Variants in NCALD observed in about 807,000 individuals in gnomAD.
The protein encoded by NCALD is neurocalcin delta.
In NCALD, 10 loss-of-function variants were observed where a neutral mutation model predicts 18.6. The observed-to-expected ratio is 0.54, with a 90% CI of 0.33 to 0.91. The LOEUF is 0.91. NCALD is among the 40% of genes least tolerant of loss of function. NCALD has a pLI of 0.03. For synonymous variants in NCALD, 88 were observed against 87.4 expected (o/e 1.01, Z -0.04); for missense variants, 184 against 247.6 (o/e 0.74, Z 1.72).
At chr8:101,779,647 GC>G (rs964459000) in intron 1 of NCALD, among the ~76,000 whole-genome samples, 8 of 151,992 alleles carry the variant, frequency 5.3e-5, no homozygotes, top group African/African-American at 1.9e-4. Context: ...CTTACGGATT[GC>G]CCTTTTTTAT....
chr8:102,103,292 G>T (rs766954789), intron 1 of NCALD, among the ~76,000 whole-genome samples: 15 of 152,052 alleles, frequency 9.9e-5, no homozygotes, highest in Non-Finnish European at 1.9e-4. Context: ...AACACCTAGT[G>T]AGTGTTTGCT....
At chr8:101,871,818 G>C (rs113839579) in intron 4 of NCALD, 9,538 of 413,782 alleles carry the variant, frequency 0.023, 413 homozygotes, top group African/African-American at 0.12. Context: ...GCATGTGATA[G>C]CAGCTGCAGC....
At chr8:101,782,092 TATAA>T (rs976191054) in intron 1 of NCALD, among the ~76,000 whole-genome samples, 4 of 148,058 alleles carry the variant, frequency 2.7e-5, no homozygotes, top group African/African-American at 9.8e-5. Context: ...TTTATATATA[TATAA>T]ATATACATAT....
At position 101,688,715 on chromosome 8, in the gene NCALD, C is replaced by T; in HGVS notation, c.*594G>A. The T allele has an allele frequency of 2.0e-6, 1 of 491,384 alleles. No homozygotes were observed. Among genetic ancestry groups the T allele is most frequent in the South Asian group, 1.5e-5 (1 of 64,874 alleles). 30.4% of individuals were successfully genotyped at this position (491,384 alleles called of 1,614,324 possible). On this transcript the variant is annotated 3_prime_UTR_variant, in exon 4 of 4. Coordinates refer to ENST00000220931, the MANE Select transcript of NCALD (RefSeq NM_032041.3). ...GAAAAAATAGCTGAGCCATCTTTTT[C>T]CTCTCCTCTGTTAATTTATCTTGAA...
At chr8:101,828,317 G>A (rs192050384) in intron 4 of NCALD, among the ~76,000 whole-genome samples, 3 of 152,174 alleles carry the variant, frequency 2.0e-5, no homozygotes, top group East Asian at 1.9e-4. Context: ...TGCCAGCCCC[G>A]CTCCCGATTA....
intron 4 of NCALD, among the ~76,000 whole-genome samples, chr8:101,829,902 T>C (rs1204445715): frequency 1.3e-5 from 2 of 152,112 alleles, no homozygotes; most frequent in African/African-American, 4.8e-5. Context: ...TTGTTTGTTA[T>C]TATATCTATC....
chr8:102,062,381 T>G (rs1219618480), intron 1 of NCALD, among the ~76,000 whole-genome samples: 1 of 152,146 alleles, frequency 6.6e-6, no homozygotes, highest in Non-Finnish European at 1.5e-5. Flanking sequence ...ATCAGATAAA[T>G]AGTCAAGCAA....
chr8:101,835,539 T>C (rs144740373), intron 4 of NCALD, among the ~76,000 whole-genome samples: 20 of 152,256 alleles, frequency 1.3e-4, no homozygotes, highest in East Asian at 5.8e-4. Context: ...TCAAGAAACA[T>C]TGGTCTAGGT....
At chr8:101,993,694 C>T (rs753107584) in intron 2 of NCALD, among the ~76,000 whole-genome samples, 25 of 152,232 alleles carry the variant, frequency 1.6e-4, no homozygotes, top group Non-Finnish European at 3.4e-4. Context: ...CTGCTACTGA[C>T]TCTCCATTGT....
chr8:102,061,064 T>C (rs1186855986), intron 1 of NCALD, among the ~76,000 whole-genome samples: 3 of 152,160 alleles, frequency 2.0e-5, no homozygotes, highest in African/African-American at 7.2e-5. Context: ...AAACAATCTA[T>C]TCCTTTCTCC....
chr8:102,070,250 T>C (rs1258923961), intron 1 of NCALD: 1 of 152,174 alleles, frequency 6.6e-6, no homozygotes, highest in African/African-American at 2.4e-5. Context: ...AGTCACAAAA[T>C]TACTTCTAGA....
intron 4 of NCALD, among the ~76,000 whole-genome samples, chr8:101,819,641 A>T (rs1166897548): frequency 2.6e-5 from 4 of 152,166 alleles, no homozygotes; most frequent in Non-Finnish European, 5.9e-5. Flanking sequence ...TGACAGCACC[A>T]GGCCATTTTT....
At position 101,688,338 on chromosome 8, in the gene NCALD, G is replaced by A; in HGVS notation, c.*971C>T. The A allele has an allele frequency of 4.6e-6, 1 of 216,908 alleles. No individual in the cohort carries two copies. 13.4% of individuals were successfully genotyped at this position (216,908 alleles called of 1,614,324 possible). The stretch of plus-strand genomic sequence containing the variant: ...CAAAATTAAAGTTGGGCCCTAGTCA[G>A]GGTTACTTTGTATTTTTATGGAATA... On this transcript the variant is annotated 3_prime_UTR_variant, in exon 4 of 4. Transcript: ENST00000220931.
chr8:101,995,406 A>C (rs1402108665), intron 2 of NCALD, among the ~76,000 whole-genome samples: 4 of 152,228 alleles, frequency 2.6e-5, no homozygotes, highest in African/African-American at 9.6e-5. Context: ...GGTAATTTAT[A>C]AGAAAAGAGA....
At chr8:101,764,810 C>T (rs1811277091) in intron 1 of NCALD, among the ~76,000 whole-genome samples, 2 of 152,158 alleles carry the variant, frequency 1.3e-5, no homozygotes, top group South Asian at 4.1e-4. Flanking sequence ...ATCTTTCATG[C>T]AGGGAAACAG....
chr8:101,998,850 T>G (rs1821334641), intron 2 of NCALD, among the ~76,000 whole-genome samples: 1 of 152,142 alleles, frequency 6.6e-6, no homozygotes, highest in African/African-American at 2.4e-5. Context: ...AAGGTGTCCC[T>G]TTCCTGGCTA....
rs199802048 is a variant in NCALD at position 102,054,724 on chromosome 8, T to G, written c.-209-34435A>C. Among the ~76,000 whole-genome samples the G allele has an allele frequency of 4.7e-5, 7 of 149,920 alleles. No individual in the cohort carries two copies. In the East Asian group the frequency reaches 5.9e-4, roughly 13 times the overall value. ...TAGATAGATAGATAGATAGATATCC[T>G]ATAGATAGATAGATAGATCTATAGG... is the stretch of plus-strand genomic sequence containing the variant. On this transcript the variant is annotated intron_variant, in intron 1 of 6. Coordinates refer to the NCALD transcript ENST00000311028.
intron 1 of NCALD, among the ~76,000 whole-genome samples, chr8:102,093,797 C>T (rs1327272921): frequency 6.6e-6 from 1 of 152,188 alleles, no homozygotes; most frequent in Non-Finnish European, 1.5e-5. Context: ...AAAACACACC[C>T]TTGTGCTTTT....
intron 2 of NCALD, among the ~76,000 whole-genome samples, chr8:102,013,193 A>C (rs1399101254): frequency 6.6e-5 from 10 of 152,180 alleles, no homozygotes; most frequent in African/African-American, 2.4e-4. Context: ...TGCTGGCCTG[A>C]GAGTGTATAA....
Sources: allele counts gnomAD v4.1 joint callset (sites outside exome capture counted in the v4.1 genomes callset), GRCh38; gene constraint gnomAD v4.1.1; transcripts MANE v1.5; gene names NCBI Gene and HGNC (gene_info 2026-07-23, HGNC 2026-07-21).